DGKQ: variants seen among roughly 807,000 people sequenced by gnomAD.
DGKQ encodes diacylglycerol kinase theta, also known as DAG kinase theta.
DGKQ carries 97 observed loss-of-function variants against 104.2 expected under a neutral mutation model. The ratio of observed to expected loss-of-function variants is 0.93; its 90% confidence interval spans 0.79 to 1.10. DGKQ has a LOEUF of 1.10. Ranked by LOEUF, DGKQ falls within the 50% of genes least tolerant of loss-of-function variation. The pLI, the probability that DGKQ is intolerant of heterozygous loss-of-function variation, is 0.00. For synonymous variants in DGKQ, 736 were observed against 595.2 expected, an observed-to-expected ratio of 1.24 and a Z score of -3.44; for missense variants, 1,465 against 1,352.1, an observed-to-expected ratio of 1.08 and a Z score of -1.31.
intron 22 of DGKQ, 87 bp downstream of exon 22, chr4:960,962 C>G: frequency 6.4e-7 from 1 of 1,562,708 alleles, no homozygotes; most frequent in East Asian, 2.3e-5. Context: ...GCCGGCCATG[C>G]CAGCACCACC....
chr4:961,417 AC>A (rs1711874357), intron 21 of DGKQ, 49 bp downstream of exon 21: 3 of 1,529,532 alleles, frequency 2.0e-6, no homozygotes, highest in Non-Finnish European at 2.6e-6. Flanking sequence ...CTCAGCGGGG[AC>A]CGGGGACGCC....
At chr4:960,881 GC>G in intron 22 of DGKQ, 160 bp from the exon 23 acceptor site, 1 of 985,280 alleles carries the variant, frequency 1.0e-6, no homozygotes, top group Non-Finnish European at 1.2e-6. Context: ...GCCACCTGTG[GC>G]CCGCCTGGCC....
chr4:970,395 G>A lies in DGKQ; in HGVS notation c.351+598C>T, dbSNP rs368740195. On this transcript the variant is annotated intron_variant, in intron 2 of 22. Coordinates refer to ENST00000273814, the MANE Select transcript of DGKQ (RefSeq NM_001347.4). ...CCCTGCTGTCACCACTGTCACCAGA[G>A]AAGGGAAGTCCCCTGTGCCCTGCAG... Among the ~76,000 whole-genome samples, 93 of 152,334 alleles carry A rather than the reference G, an allele frequency of 6.1e-4. No individual in the cohort carries two copies. The South Asian group carries it at 0.011, about 18-fold the overall frequency.
At chr4:969,980 G>A (rs1031416161) in intron 2 of DGKQ, among the ~76,000 whole-genome samples, 2 of 152,252 alleles carry the variant, frequency 1.3e-5, no homozygotes, top group African/African-American at 4.8e-5. Flanking sequence ...TCCCAATTTA[G>A]CAAAGTATAG....
chr4:969,223 G>A (rs1270644248), intron 2 of DGKQ, among the ~76,000 whole-genome samples: 2 of 152,094 alleles, frequency 1.3e-5, no homozygotes, highest in Admixed American at 1.3e-4. Context: ...GCAGGGAGGA[G>A]GCTGTGGCCT....
At position 973,523 on chromosome 4, in the gene DGKQ, G is replaced by C. The variant is rs1050358545; in HGVS notation, c.-41C>G. 17 of 987,294 alleles carry C rather than the reference G, an allele frequency of 1.7e-5. No homozygotes were observed. The highest frequency in any genetic ancestry group is 1.1e-4 in the East Asian group (1 of 9,070). 61.2% of individuals were successfully genotyped at this position (987,294 alleles called of 1,614,324 possible). A position where few individuals can be genotyped will look rare whatever the true frequency, so the allele number is the denominator to read the frequency against. Reference sequence around the variant, plus strand: ...CCCGAGCCCCTTTAGGTCCGCGCCGGGGGTACAGGAGCCGCCGCTCCACGG... The same window carrying C: ...CCCGAGCCCCTTTAGGTCCGCGCCGCGGGTACAGGAGCCGCCGCTCCACGG... On this transcript the variant is annotated 5_prime_UTR_variant, in exon 1 of 23. Transcript: ENST00000273814.
rs752858226 is a variant in DGKQ, at chr4:967,298, G to T, written c.1051C>A (p.Pro351Thr). 6.5e-7 allele frequency: 1 copy of T among 1,543,242 alleles called. No individual in the cohort carries two copies. The highest frequency in any genetic ancestry group is 1.2e-5 in the South Asian group (1 of 84,490). The change falls in exon 9 of 23, where the codon CCC becomes ACC. Residue 351 changes from proline to threonine, a missense_variant. Physicochemically the swap from Pro to Thr is conservative, Grantham distance 38. Transcript: ENST00000273814. Reference protein sequence around the residue: ...DPGHLELCRLPPSSQACDAWA... With the variant: ...DPGHLELCRLTPSSQACDAWA... ...GCGTCACAGGCCTGAGAGGAAGGGG[G>T]CAGCCGGCACAGCTCCAGGTGGCCA...
In DGKQ at chr4:961,754, A is replaced by C. The variant is rs746616727; in HGVS notation, c.2396T>G (p.Leu799Arg). ...HSRSLHKQIR[L>R]QVERQEVELP... ...CTCCACCTCCTGCCGCTCCACCTGC[A>C]GCCGGATCTGCTTGTGCAGGCTCCG... Residue 799 changes from leucine to arginine, a missense_variant, in exon 20 of 23, where the codon CTG becomes CGG. Leu to Arg is a moderately radical substitution (Grantham distance 102). Coordinates refer to ENST00000273814, the MANE Select transcript of DGKQ (RefSeq NM_001347.4). The C allele has an allele frequency of 6.2e-7, 1 of 1,612,732 alleles. No individual in the cohort carries two copies. The highest frequency in any genetic ancestry group is 1.1e-5 in the South Asian group (1 of 91,076).
Position 968,100 on chromosome 4 carries a change from A to C in DGKQ, c.664-73T>G, listed in dbSNP as rs1268571385. 4 of 1,090,932 alleles carry C rather than the reference A, an allele frequency of 3.7e-6. No individual in the cohort carries two copies. The African/African-American group carries it at 5.6e-5, about 15-fold the overall frequency. 67.6% of individuals were successfully genotyped at this position (1,090,932 alleles called of 1,614,324 possible). ...GGCACCAGGTGCGCCAGGTCCAGGG[A>C]AAGACCCCACACGACGCAGACCCAC... is the stretch of plus-strand genomic sequence containing the variant. On this transcript the variant is annotated intron_variant, in intron 5 of 22. Transcript: ENST00000273814.
rs968477892 is a variant in DGKQ at position 960,579 on chromosome 4, G to A, written c.*41C>T. ...GACCACCTGAAAACAAGGCTGGCGG[G>A]AGCAGAGATGGCTCGAGCCCTTGGG... On this transcript the variant is annotated 3_prime_UTR_variant, in exon 23 of 23. Transcript: ENST00000273814. The A allele has an allele frequency of 6.4e-7, 1 of 1,568,458 alleles. No individual in the cohort carries two copies. Among genetic ancestry groups the A allele is most frequent in the Non-Finnish European group, 8.7e-7 (1 of 1,144,030 alleles).
rs1016378692 is a variant in DGKQ, at chr4:961,361, G to A, written c.2574+106C>T. 4.5e-6 allele frequency: 6 copies of A among 1,321,388 alleles called. No homozygotes were observed. The Admixed American group carries it at 1.3e-4, about 29-fold the overall frequency. The allele number at this position is 1,321,388 out of a possible 1,614,324, so 81.9% of individuals were successfully genotyped here. On this transcript the variant is annotated intron_variant, in intron 21 of 22. Coordinates refer to ENST00000273814, the MANE Select transcript of DGKQ (RefSeq NM_001347.4). ...CCAGCCGGGCTCAGCGGGGACCGGG[G>A]ACGCCCACCCTGGACCTGGCCCTGG... is the stretch of plus-strand genomic sequence containing the variant.
intron 15 of DGKQ, chr4:964,034 C>G (rs935443461): frequency 6.5e-6 from 1 of 154,646 alleles, no homozygotes; most frequent in Admixed American, 6.5e-5. Context: ...GGCTTCGTGA[C>G]CCACTTGGCA....
At chr4:966,670 C>A in intron 11 of DGKQ, 78 bp downstream of exon 11, 1 of 1,528,910 alleles carries the variant, frequency 6.5e-7, no homozygotes, top group Non-Finnish European at 8.9e-7. Context: ...CGGCACCACC[C>A]TGCAGGAAAG....
chr4:966,593 G>C, intron 11 of DGKQ, 66 bp from the exon 12 acceptor site: 2 of 1,558,086 alleles, frequency 1.3e-6, no homozygotes, highest in Non-Finnish European at 1.7e-6. Context: ...CAGCTGCCCG[G>C]AGCCCCCAGG....
intron 15 of DGKQ, among the ~76,000 whole-genome samples, chr4:964,678 C>T (rs1712156749): frequency 6.6e-6 from 1 of 152,208 alleles, no homozygotes; most frequent in Admixed American, 6.5e-5. Context: ...GCCTGGGGAG[C>T]TCCAGGCAGA....
In DGKQ at chr4:967,034, G is replaced by A. The variant is rs1372532204; in HGVS notation, c.1241C>T (p.Ser414Phe). The change falls in exon 10 of 23, where the codon TCC (serine) becomes TTC (phenylalanine). Residue 414 changes from serine to phenylalanine, a missense_variant. Transcript: ENST00000273814. ...GWLKVGVAYV[S>F]VRVTPKSTAR... The stretch of plus-strand genomic sequence containing the variant: ...CGTGCTCTTCGGGGTCACTCGCACG[G>A]ACACGTAGGCCACGCCCACCCTGTG... 6.4e-7 allele frequency: 1 copy of A among 1,562,438 alleles called. No individual in the cohort carries two copies. Among genetic ancestry groups the A allele is most frequent in the Non-Finnish European group, 8.7e-7 (1 of 1,154,940 alleles).
Position 973,485 on chromosome 4 carries a change from CCGGCCCGAG to C in DGKQ, c.-12_-4del, listed in dbSNP as rs1356382421. On this transcript the variant is annotated 5_prime_UTR_variant, in exon 1 of 23. Transcript: ENST00000273814. ...CCGGGCTCGGCCGCCGCCGCCATTC[CCGGCCCGAG>C]CGGCCCGAGCCCCTTTAGGTCCGCG... 1.9e-4 allele frequency: 183 copies of C among 987,774 alleles called. 3 individuals are homozygous for C. The South Asian group carries it at 5.7e-3, about 31-fold the overall frequency. The allele number at this position is 987,774 out of a possible 1,614,324, so 61.2% of individuals were successfully genotyped here. A position where few individuals can be genotyped will look rare whatever the true frequency, so the allele number is the denominator to read the frequency against.
Position 968,064 on chromosome 4 carries a change from C to A in DGKQ, c.664-37G>T, listed in dbSNP as rs571037095. 495 of 1,380,092 alleles carry A rather than the reference C, an allele frequency of 3.6e-4. 1 individual carries two copies. In the African/African-American group the frequency reaches 6.5e-3, roughly 18 times the overall value. 85.5% of individuals were successfully genotyped at this position (1,380,092 alleles called of 1,614,324 possible). A position where few individuals can be genotyped will look rare whatever the true frequency, so the allele number is the denominator to read the frequency against. On this transcript the variant is annotated intron_variant, in intron 5 of 22. Coordinates refer to ENST00000273814, the MANE Select transcript of DGKQ (RefSeq NM_001347.4). Reference sequence around the variant, plus strand: ...AGGGCCTGAGCTGGGGGGTTGGAGCCAGGGTGCGGGGGCACCAGGTGCGCC... The same window carrying A: ...AGGGCCTGAGCTGGGGGGTTGGAGCAAGGGTGCGGGGGCACCAGGTGCGCC...
Position 962,916 on chromosome 4 carries a change from G to A in DGKQ, c.1891C>T (p.His631Tyr). 1 of 1,607,238 alleles carries A rather than the reference G, an allele frequency of 6.2e-7. No individual in the cohort carries two copies. The highest frequency in any genetic ancestry group is 8.5e-7 in the Non-Finnish European group (1 of 1,177,574). Reference protein sequence around the residue: ...LTNGGPLPGLHLFSQVPCFRV... With the variant: ...LTNGGPLPGLYLFSQVPCFRV... Reference sequence around the variant, plus strand: ...AAGCAGGGCACCTGGGAGAACAGGTGGAGCCTAGCGGGAGACAGGAAGTGT... The same window carrying A: ...AAGCAGGGCACCTGGGAGAACAGGTAGAGCCTAGCGGGAGACAGGAAGTGT... Residue 631 changes from histidine (H) to tyrosine (Y), a missense_variant, in exon 17 of 23, where the codon CAC (histidine) becomes TAC (tyrosine). By Grantham distance (83) the His-to-Tyr change is moderately conservative (BLOSUM62 2). Transcript: ENST00000273814.
Sources: gnomAD v4.1 joint callset for allele counts (sites outside exome capture counted in the v4.1 genomes callset) on GRCh38, gnomAD v4.1.1 for gene constraint, MANE v1.5 for transcripts, NCBI Gene and HGNC (gene_info 2026-07-23, HGNC 2026-07-21) for gene names.